CNTN1: variants seen among roughly 807,000 people sequenced by gnomAD.
CNTN1 encodes the protein contactin-1.
A neutral mutation model predicts 126.4 loss-of-function variants in CNTN1; 38 were observed. The ratio of observed to expected loss-of-function variants is 0.30; its 90% CI spans 0.23 to 0.39. The LOEUF (loss-of-function observed/expected upper bound fraction) is 0.39. Ranked by LOEUF, CNTN1 falls within the 10% of genes least tolerant of loss-of-function variation. CNTN1 has a pLI of 1.00. For missense variants in CNTN1, 1,009 were observed against 1,248.4 expected, an observed-to-expected ratio of 0.81 and a Z score of 2.89; for synonymous variants, 413 against 422.6, an observed-to-expected ratio of 0.98 and a Z score of 0.28.
At position 40,991,645 on chromosome 12, in the gene CNTN1, C is replaced by T. The variant is rs1369807629; in HGVS notation, c.1964-1475C>T. ...GAGATCAAGACCATCCTGGCTAACA[C>T]GGTGAAATGCCGTCTCTACTACAAA... is the stretch of plus-strand genomic sequence containing the variant. On this transcript the variant is annotated intron_variant, in intron 16 of 23. Coordinates refer to ENST00000551295, the MANE Select transcript of CNTN1 (RefSeq NM_001843.4). 4.6e-5 allele frequency among the ~76,000 whole-genome samples: 7 copies of T among 152,144 alleles called. No homozygotes were observed. In the East Asian group the frequency reaches 5.8e-4, roughly 13 times the overall value.
At chr12:41,001,996 T>C (rs1303124424) in intron 17 of CNTN1, among the ~76,000 whole-genome samples, 1 of 152,226 alleles carries the variant, frequency 6.6e-6, no homozygotes, top group Non-Finnish European at 1.5e-5. Flanking sequence ...TCTGTTTTTA[T>C]GTACCAGTAC....
chr12:40,926,347 G>A (rs76775989), intron 6 of CNTN1, among the ~76,000 whole-genome samples: 3,244 of 152,006 alleles, frequency 0.021, 65 homozygotes, highest in Middle Eastern at 0.041. Context: ...ATGAGTATCC[G>A]AGAGAAGAGC....
At chr12:40,903,969 C>T (rs930187193) in intron 1 of CNTN1, among the ~76,000 whole-genome samples, 12 of 152,182 alleles carry the variant, frequency 7.9e-5, no homozygotes, top group Admixed American at 2.0e-4. Context: ...GAATCCCTAA[C>T]AAGGATCAAA....
chr12:41,005,061 C>T (rs1016476473), intron 17 of CNTN1: 2 of 152,142 alleles, frequency 1.3e-5, no homozygotes, highest in African/African-American at 4.8e-5. Context: ...TTTGTGGTGT[C>T]TGGTGCTGGT....
chr12:40,968,682 G>A (rs1326162065), intron 15 of CNTN1, among the ~76,000 whole-genome samples: 1 of 152,102 alleles, frequency 6.6e-6, no homozygotes, highest in Non-Finnish European at 1.5e-5. Context: ...TTGCTGTGAG[G>A]TGGTAGTACA....
At chr12:40,710,994 AT>A (rs1465444001) in intron 1 of CNTN1, among the ~76,000 whole-genome samples, 6 of 152,256 alleles carry the variant, frequency 3.9e-5, no homozygotes, top group African/African-American at 1.2e-4. Flanking sequence ...ACTAATACTT[AT>A]ATTGCTAAAA....
intron 1 of CNTN1, among the ~76,000 whole-genome samples, chr12:40,824,704 A>C (rs1941552971): frequency 6.6e-6 from 1 of 152,158 alleles, no homozygotes; most frequent in Non-Finnish European, 1.5e-5. Context: ...AATTCAGCAA[A>C]GCCTAAATTT....
rs200731096 is a variant in CNTN1 at position 40,922,422 on chromosome 12, T to C, written c.394T>C (p.Phe132Leu). The change falls in exon 5 of 24, where the codon TTT becomes CTT. Residue 132 changes from phenylalanine to leucine, a missense_variant. Physicochemically the swap from Phe to Leu is conservative, Grantham distance 22 (BLOSUM62 0). Transcript: ENST00000551295. Reference sequence around the variant, plus strand: ...CAGAAGCACTGAAGCAACCCTGAGCTTTGGATGTAAGTAAACTGTAACTTT... The same window carrying C: ...CAGAAGCACTGAAGCAACCCTGAGCCTTGGATGTAAGTAAACTGTAACTTT... ...MVRSTEATLS[F>L]GYLDPFPPEE... is the part of the protein sequence containing the mutation. 5 of 1,613,862 alleles carry C rather than the reference T, an allele frequency of 3.1e-6. No homozygotes were observed. Among genetic ancestry groups the C allele is most frequent in the Non-Finnish European group, 4.2e-6 (5 of 1,179,872 alleles).
At chr12:40,899,946 T>A (rs919684954) in intron 1 of CNTN1, among the ~76,000 whole-genome samples, 1 of 152,134 alleles carries the variant, frequency 6.6e-6, no homozygotes, top group Non-Finnish European at 1.5e-5. Flanking sequence ...TTTAAAAAAA[T>A]TAAGTAATAA....
chr12:40,757,529 T>C (rs2136409166), intron 1 of CNTN1, among the ~76,000 whole-genome samples: 1 of 152,310 alleles, frequency 6.6e-6, no homozygotes. Context: ...CTCACAGATA[T>C]TGTCAGTTAT....
At chr12:40,860,842 G>A (rs913738918) in intron 1 of CNTN1, among the ~76,000 whole-genome samples, 3 of 151,956 alleles carry the variant, frequency 2.0e-5, no homozygotes, top group Non-Finnish European at 4.4e-5. Flanking sequence ...TTTGAGGTGG[G>A]GCTGAGAGTT....
At position 41,020,361 on chromosome 12, in the gene CNTN1, T is replaced by C. The variant is rs1948879623; in HGVS notation, c.2444T>C (p.Val815Ala). 1.2e-6 allele frequency: 2 copies of C among 1,611,966 alleles called. No homozygotes were observed. Among genetic ancestry groups the C allele is most frequent in the Non-Finnish European group, 1.7e-6 (2 of 1,178,776 alleles). The change falls in exon 20 of 24, where the codon GTA (valine) becomes GCA (alanine). Residue 815 changes from valine to alanine, a missense_variant. Physicochemically the swap from Val to Ala is moderately conservative, Grantham distance 64. Coordinates refer to ENST00000551295, the MANE Select transcript of CNTN1 (RefSeq NM_001843.4). ...QDAPSEAPTEVGVKVLSSSEI... is the reference protein window; with the variant it reads ...QDAPSEAPTEAGVKVLSSSEI... ...GCTCCCAGTGAAGCCCCAACAGAAGTAGGTGTAAAAGTCTTATCATCTTCT... is the reference window on the plus strand; with the variant it reads ...GCTCCCAGTGAAGCCCCAACAGAAGCAGGTGTAAAAGTCTTATCATCTTCT...
chr12:40,908,281 C>A, intron 1 of CNTN1, 76 bp from the exon 2 acceptor site: 2 of 568,674 alleles, frequency 3.5e-6, no homozygotes, highest in Admixed American at 3.3e-5. Context: ...CTTTCTTCTC[C>A]TCTCCTCCTC....
intron 7 of CNTN1, among the ~76,000 whole-genome samples, chr12:40,932,703 A>T (rs1945932804): frequency 6.6e-6 from 1 of 151,926 alleles, no homozygotes; most frequent in South Asian, 2.1e-4. Context: ...AGAGTGCTAT[A>T]GCCCTTACCT....
At chr12:40,911,772 G>T (rs1460433004) in intron 3 of CNTN1, among the ~76,000 whole-genome samples, 1 of 152,114 alleles carries the variant, frequency 6.6e-6, no homozygotes, top group East Asian at 1.9e-4. Context: ...AAAACAAGGA[G>T]ACCTTTCCCA....
chr12:40,727,096 AAAG>A (rs200527378), intron 1 of CNTN1, among the ~76,000 whole-genome samples: 6,891 of 150,478 alleles, frequency 0.046, 181 homozygotes, highest in Middle Eastern at 0.066. Flanking sequence ...TAATAATAAA[AAAG>A]AACATGAGGA....
intron 1 of CNTN1, among the ~76,000 whole-genome samples, chr12:40,794,516 A>G (rs1201506403): frequency 6.6e-6 from 1 of 152,056 alleles, no homozygotes. Context: ...CACTAAAAAT[A>G]TGTTCACCTG....
chr12:40,767,873 C>T (rs533054135), intron 1 of CNTN1, among the ~76,000 whole-genome samples: 1 of 152,040 alleles, frequency 6.6e-6, no homozygotes, highest in East Asian at 1.9e-4. Context: ...CTTTTCTAAC[C>T]TAGTAAATTA....
At chr12:40,966,697 A>G (rs1225711713) in intron 15 of CNTN1, among the ~76,000 whole-genome samples, 1 of 152,190 alleles carries the variant, frequency 6.6e-6, no homozygotes, top group Non-Finnish European at 1.5e-5. Flanking sequence ...ATTGAGGTAC[A>G]CTCAAGAATT....
Sources: allele counts gnomAD v4.1 joint callset (sites outside exome capture counted in the v4.1 genomes callset), GRCh38; gene constraint gnomAD v4.1.1; transcripts MANE v1.5; gene names NCBI Gene and HGNC (gene_info 2026-07-23, HGNC 2026-07-21).